ANKRD34C: variants seen among roughly 807,000 people sequenced by gnomAD.
The protein encoded by ANKRD34C is ankyrin repeat domain 34C.
For missense variants in ANKRD34C, 563 were observed against 653.0 expected (o/e 0.86, Z 1.50); for synonymous variants, 260 against 253.6 (o/e 1.03, Z -0.24).
Position 79,289,835 on chromosome 15 carries a change from A to G in ANKRD34C, c.-44-3406A>G, listed in dbSNP as rs556041585. On this transcript the variant is annotated intron_variant, in intron 1 of 1. Transcript: ENST00000421388. ...AGGTGATTAACGAGACTGATACTCAAAGAAAGTTGCAAAGTATTAAGTAAC... is the reference window on the plus strand; with the variant it reads ...AGGTGATTAACGAGACTGATACTCAGAGAAAGTTGCAAAGTATTAAGTAAC... Among the ~76,000 whole-genome samples the G allele has an allele frequency of 4.6e-5, 7 of 152,326 alleles. No individual in the cohort carries two copies. The East Asian group carries it at 1.2e-3, about 25-fold the overall frequency.
intron 1 of ANKRD34C, among the ~76,000 whole-genome samples, 132 bp downstream of exon 1, chr15:79,283,360 A>C (rs2058634284): frequency 6.6e-6 from 1 of 152,060 alleles, no homozygotes; most frequent in Admixed American, 6.5e-5. Context: ...TTATCACAGG[A>C]AATTGTGGGA....
chr15:79,285,870 T>C (rs1431170301), intron 1 of ANKRD34C, among the ~76,000 whole-genome samples: 3 of 152,062 alleles, frequency 2.0e-5, no homozygotes, highest in Non-Finnish European at 4.4e-5. Flanking sequence ...GGCATGGGAG[T>C]GAAAGACCCT....
chr15:79,294,167 C>A lies in ANKRD34C; in HGVS notation c.883C>A (p.Pro295Thr). 3 of 1,551,546 alleles carry A rather than the reference C, an allele frequency of 1.9e-6. No individual in the cohort carries two copies. The highest frequency in any genetic ancestry group is 2.6e-6 in the Non-Finnish European group (3 of 1,146,986). ...ISDISFPKRG[P>T]LSRTNSIDSK... ...TGATATATCCTTCCCTAAAAGGGGGCCCCTCTCCAGAACCAACAGTATCGA... is the reference window on the plus strand; with the variant it reads ...TGATATATCCTTCCCTAAAAGGGGGACCCTCTCCAGAACCAACAGTATCGA... The change falls in exon 2 of 2, where the codon CCC becomes ACC. Residue 295 changes from proline (P) to threonine (T), a missense_variant. Transcript: ENST00000421388.
Position 79,296,832 on chromosome 15 carries a change from C to G in ANKRD34C, c.*1940C>G, listed in dbSNP as rs1434464. On this transcript the variant is annotated 3_prime_UTR_variant, in exon 2 of 2. Transcript: ENST00000421388. Reference sequence around the variant, plus strand: ...AGATGTCTCCTGGGTGCATCACCTTCGTTGATCTCTACTGCTAGACCTATC... The same window carrying G: ...AGATGTCTCCTGGGTGCATCACCTTGGTTGATCTCTACTGCTAGACCTATC... 0.66 allele frequency: 109,921 copies of G among 166,970 alleles called. 36,353 individuals carry two copies. The highest frequency in any genetic ancestry group is 0.76 in the East Asian group (3,940 of 5,180). 10.3% of individuals were successfully genotyped at this position (166,970 alleles called of 1,614,324 possible).
chr15:79,286,324 C>T (rs1005698042), intron 1 of ANKRD34C, among the ~76,000 whole-genome samples: 2 of 152,040 alleles, frequency 1.3e-5, no homozygotes, highest in African/African-American at 4.8e-5. Flanking sequence ...TCTTATGAAA[C>T]ACATGAAAAA....
chr15:79,289,091 A>G (rs1488367888), intron 1 of ANKRD34C, among the ~76,000 whole-genome samples: 2 of 152,162 alleles, frequency 1.3e-5, no homozygotes, highest in African/African-American at 4.8e-5. Flanking sequence ...AAGTGCTGGG[A>G]TTACAGGCGT....
chr15:79,295,176 T>C lies in ANKRD34C; in HGVS notation c.*284T>C. On this transcript the variant is annotated 3_prime_UTR_variant, in exon 2 of 2. Transcript: ENST00000421388. ...AGTACAATGATGTAAGCTGGGGACATCAGTAGTTTTCTATCAGACAAACAG... is the reference window on the plus strand; with the variant it reads ...AGTACAATGATGTAAGCTGGGGACACCAGTAGTTTTCTATCAGACAAACAG... 1 of 341,546 alleles carries C rather than the reference T, an allele frequency of 2.9e-6. No individual in the cohort carries two copies. Among genetic ancestry groups the C allele is most frequent in the Non-Finnish European group, 5.5e-6 (1 of 180,702 alleles). The allele number at this position is 341,546 out of a possible 1,614,324, so 21.2% of individuals were successfully genotyped here.
Position 79,294,925 on chromosome 15 carries a change from G to A in ANKRD34C, c.*33G>A, listed in dbSNP as rs1221214399. The A allele has an allele frequency of 1.3e-6, 2 of 1,486,750 alleles. No individual in the cohort carries two copies. The highest frequency in any genetic ancestry group is 2.5e-5 in the East Asian group (1 of 40,676). The allele number at this position is 1,486,750 out of a possible 1,614,324, so 92.1% of individuals were successfully genotyped here. On this transcript the variant is annotated 3_prime_UTR_variant, in exon 2 of 2. Transcript: ENST00000421388. Reference sequence around the variant, plus strand: ...AGAAAGGCTTAAAATAGTCAATATAGTTTATGGAAGGGACTATGGATGAGA... The same window carrying A: ...AGAAAGGCTTAAAATAGTCAATATAATTTATGGAAGGGACTATGGATGAGA...
rs2058659626 is a variant in ANKRD34C, at chr15:79,291,595, C to CAG, written c.-44-1645_-44-1644insGA. On this transcript the variant is annotated intron_variant, in intron 1 of 1. Transcript: ENST00000421388. ...ACACACACACACACACACACACACA[C>CAG]ACACACAGAGAGAGAGAGAGAGAGA... Among the ~76,000 whole-genome samples the CAG allele has an allele frequency of 2.5e-5, 3 of 118,302 alleles. No individual in the cohort carries two copies. The Admixed American group carries it at 2.6e-4, about 10-fold the overall frequency. The allele number at this position is 118,302 out of a possible 152,430, so 77.6% of individuals were successfully genotyped here.
rs2141205098 is a variant in ANKRD34C, at chr15:79,298,165, A to T, written c.*3273A>T. 6.0e-6 allele frequency: 1 copy of T among 167,104 alleles called. No homozygotes were observed. Among genetic ancestry groups the T allele is most frequent in the East Asian group, 1.9e-4 (1 of 5,182 alleles). The allele number at this position is 167,104 out of a possible 1,614,324, so 10.4% of individuals were successfully genotyped here. On this transcript the variant is annotated 3_prime_UTR_variant, in exon 2 of 2. Transcript: ENST00000421388. Reference sequence around the variant, plus strand: ...TCTCAAGCTGATGATGTGCTCAAAGATGTATCAAAATCCATGTAATGACAC... The same window carrying T: ...TCTCAAGCTGATGATGTGCTCAAAGTTGTATCAAAATCCATGTAATGACAC...
At position 79,295,424 on chromosome 15, in the gene ANKRD34C, T is replaced by G. The variant is rs2058670000; in HGVS notation, c.*532T>G. 5.9e-6 allele frequency: 1 copy of G among 168,812 alleles called. No individual in the cohort carries two copies. The highest frequency in any genetic ancestry group is 2.4e-5 in the African/African-American group (1 of 41,456). The allele number at this position is 168,812 out of a possible 1,614,324, so 10.5% of individuals were successfully genotyped here. ...GGCCTGTGGGTCCTGGCTCTGACTC[T>G]GTCAGGGCACTGTAAATCATGGTGT... is the stretch of plus-strand genomic sequence containing the variant. On this transcript the variant is annotated 3_prime_UTR_variant, in exon 2 of 2. Coordinates refer to ENST00000421388, the MANE Select transcript of ANKRD34C (RefSeq NM_001146341.2).
At chr15:79,289,253 A>G (rs952453721) in intron 1 of ANKRD34C, among the ~76,000 whole-genome samples, 3 of 152,244 alleles carry the variant, frequency 2.0e-5, no homozygotes, top group Non-Finnish European at 2.9e-5. Flanking sequence ...AAACTGTTGC[A>G]TTTCATCACT....
intron 1 of ANKRD34C, among the ~76,000 whole-genome samples, chr15:79,288,402 G>T (rs1035275796): frequency 2.0e-5 from 3 of 152,190 alleles, no homozygotes; most frequent in Non-Finnish European, 4.4e-5. Context: ...CAGGAAATTG[G>T]GTGAGGAGAG....
chr15:79,294,298 T>C lies in ANKRD34C; in HGVS notation c.1014T>C (p.Ala338=). 2 of 1,551,584 alleles carry C rather than the reference T, an allele frequency of 1.3e-6. No individual in the cohort carries two copies. Among genetic ancestry groups the C allele is most frequent in the South Asian group, 2.4e-5 (2 of 84,052 alleles). The change falls in exon 2 of 2, where the codon GCT becomes GCC. Residue 338 remains alanine, a synonymous_variant. Transcript: ENST00000421388. ...SWKAAYEKGQ[A]PHPRLARRGT... Reference sequence around the variant, plus strand: ...AAGCAGCCTATGAGAAAGGTCAGGCTCCCCACCCACGTCTGGCCAGGAGAG... The same window carrying C: ...AAGCAGCCTATGAGAAAGGTCAGGCCCCCCACCCACGTCTGGCCAGGAGAG...
At position 79,295,802 on chromosome 15, in the gene ANKRD34C, T is replaced by C. The variant is rs1303741594; in HGVS notation, c.*910T>C. On this transcript the variant is annotated 3_prime_UTR_variant, in exon 2 of 2. Transcript: ENST00000421388. The stretch of plus-strand genomic sequence containing the variant: ...GAGGATGAGATGTGCATAGATTAAA[T>C]GGTAAAGTGGGTGGTTCTCAGGTGA... 2.4e-5 allele frequency: 4 copies of C among 167,012 alleles called. No homozygotes were observed. The East Asian group carries it at 5.8e-4, about 24-fold the overall frequency. 10.3% of individuals were successfully genotyped at this position (167,012 alleles called of 1,614,324 possible).
chr15:79,287,813 C>T (rs148320136), intron 1 of ANKRD34C, among the ~76,000 whole-genome samples: 14 of 152,332 alleles, frequency 9.2e-5, no homozygotes, highest in African/African-American at 1.2e-4. Flanking sequence ...TTCCTCTGCA[C>T]GTCACCTTTT....
intron 1 of ANKRD34C, among the ~76,000 whole-genome samples, chr15:79,284,295 G>A (rs1567014598): frequency 6.6e-6 from 1 of 152,212 alleles, no homozygotes; most frequent in Non-Finnish European, 1.5e-5. Context: ...GGAATTCCCT[G>A]CGTGAAATAG....
chr15:79,297,318 G>A lies in ANKRD34C; in HGVS notation c.*2426G>A, dbSNP rs949251201. 1.2e-5 allele frequency: 2 copies of A among 167,112 alleles called. No homozygotes were observed. Among genetic ancestry groups the A allele is most frequent in the Non-Finnish European group, 2.9e-5 (2 of 68,134 alleles). 10.4% of individuals were successfully genotyped at this position (167,112 alleles called of 1,614,324 possible). A position where few individuals can be genotyped will look rare whatever the true frequency, so the allele number is the denominator to read the frequency against. Reference sequence around the variant, plus strand: ...ACATAGTTTTCCAGCTGTTGTTAGTGTCACTTAAAACTGATCTCTGCTGGT... The same window carrying A: ...ACATAGTTTTCCAGCTGTTGTTAGTATCACTTAAAACTGATCTCTGCTGGT... On this transcript the variant is annotated 3_prime_UTR_variant, in exon 2 of 2. Coordinates refer to ENST00000421388, the MANE Select transcript of ANKRD34C (RefSeq NM_001146341.2).
Position 79,295,100 on chromosome 15 carries a change from T to A in ANKRD34C, c.*208T>A, listed in dbSNP as rs1193405715. The A allele has an allele frequency of 1.6e-5, 9 of 574,118 alleles. No homozygotes were observed. The allele number at this position is 574,118 out of a possible 1,614,324, so 35.6% of individuals were successfully genotyped here. ...TAATTGGGTTTTGAAGATAAATTTT[T>A]AAAAATTCTGCAAAGGAAGAAAGCC... On this transcript the variant is annotated 3_prime_UTR_variant, in exon 2 of 2. Transcript: ENST00000421388.
Sources: allele counts gnomAD v4.1 joint callset (sites outside exome capture counted in the v4.1 genomes callset), GRCh38; gene constraint gnomAD v4.1.1; transcripts MANE v1.5; gene names NCBI Gene and HGNC (gene_info 2026-07-23, HGNC 2026-07-21).